NEMF: variants seen among roughly 807,000 people sequenced by gnomAD.
The protein encoded by NEMF is nuclear export mediator factor, also known as ribosome quality control complex subunit NEMF.
A neutral mutation model predicts 162.2 loss-of-function variants in NEMF; 89 were observed. That is an observed-to-expected ratio of 0.55 (90% CI 0.46 to 0.65). NEMF has a LOEUF of 0.65. Among genes scored for constraint, NEMF ranks in the 30% least tolerant of loss-of-function variants. The pLI is 0.00. For synonymous variants in NEMF, 421 were observed against 404.5 expected (o/e 1.04, Z -0.49); for missense variants, 1,133 against 1,261.9 (o/e 0.90, Z 1.55).
intron 4 of NEMF, among the ~76,000 whole-genome samples, chr14:49,845,491 T>G (rs920542559): frequency 6.6e-6 from 1 of 152,242 alleles, no homozygotes; most frequent in African/African-American, 2.4e-5. Flanking sequence ...CCTGGAACTT[T>G]TTTACTTTAT....
At chr14:49,831,897 C>T (rs938989414) in intron 10 of NEMF, among the ~76,000 whole-genome samples, 154 bp downstream of exon 10, 1 of 152,164 alleles carries the variant, frequency 6.6e-6, no homozygotes, top group East Asian at 1.9e-4. Flanking sequence ...CAATTATTTC[C>T]AACAGCTGTA....
At chr14:49,831,587 C>A (rs1456239945) in intron 10 of NEMF, among the ~76,000 whole-genome samples, 2 of 152,090 alleles carry the variant, frequency 1.3e-5, no homozygotes, top group African/African-American at 4.8e-5. Context: ...ACAGGTGCAC[C>A]CCACCACACA....
At chr14:49,797,090 C>T (rs925305035) in intron 25 of NEMF, among the ~76,000 whole-genome samples, 3 of 152,226 alleles carry the variant, frequency 2.0e-5, no homozygotes, top group African/African-American at 4.8e-5. Flanking sequence ...TTCTTGAAGG[C>T]ATGAGCTTTA....
chr14:49,838,528 T>A (rs1893018862), intron 5 of NEMF, among the ~76,000 whole-genome samples: 1 of 152,082 alleles, frequency 6.6e-6, no homozygotes, highest in Non-Finnish European at 1.5e-5. Flanking sequence ...TCATGCCATA[T>A]CTTAATATCC....
chr14:49,844,309 G>T (rs573907540), intron 4 of NEMF, among the ~76,000 whole-genome samples: 1 of 152,076 alleles, frequency 6.6e-6, no homozygotes, highest in South Asian at 2.1e-4. Flanking sequence ...TCACAATAGG[G>T]TTCACGCTCC....
intron 25 of NEMF, 128 bp from the exon 26 acceptor site, chr14:49,796,072 C>T: frequency 1.5e-6 from 1 of 665,930 alleles, no homozygotes; most frequent in Non-Finnish European, 2.6e-6. Flanking sequence ...ACTTGATAAT[C>T]ACCAAGTTAG....
chr14:49,823,779 AC>A (rs1318740035), intron 16 of NEMF, among the ~76,000 whole-genome samples: 1 of 152,168 alleles, frequency 6.6e-6, no homozygotes, highest in African/African-American at 2.4e-5. Context: ...ATCACCACCA[AC>A]CCCAATTGTA....
At chr14:49,830,836 G>A (rs1392520110) in intron 11 of NEMF, among the ~76,000 whole-genome samples, 2 of 152,198 alleles carry the variant, frequency 1.3e-5, no homozygotes, top group Non-Finnish European at 2.9e-5. Context: ...GGAAAATACT[G>A]TATATCACTT....
chr14:49,791,342 A>G (rs1890438818), intron 26 of NEMF, among the ~76,000 whole-genome samples: 1 of 152,002 alleles, frequency 6.6e-6, no homozygotes, highest in Non-Finnish European at 1.5e-5. Flanking sequence ...CATCTCAGAA[A>G]AAAAGAAACT....
chr14:49,836,918 T>A (rs578220488), intron 6 of NEMF, among the ~76,000 whole-genome samples: 1 of 152,194 alleles, frequency 6.6e-6, no homozygotes, highest in Admixed American at 6.5e-5. Flanking sequence ...TAATTCTGTA[T>A]AGCTGTCACA....
intron 4 of NEMF, among the ~76,000 whole-genome samples, chr14:49,842,954 C>G (rs997882350): frequency 6.7e-6 from 1 of 150,222 alleles, no homozygotes; most frequent in African/African-American, 2.5e-5. Context: ...TGCAGTGAGC[C>G]AAGATCACAC....
In NEMF at chr14:49,817,419, G is replaced by C. The variant is rs138008295; in HGVS notation, c.1578-2562C>G. 8.0e-3 allele frequency among the ~76,000 whole-genome samples: 1,219 copies of C among 152,248 alleles called. 15 individuals carry two copies. Among genetic ancestry groups the C allele is most frequent in the African/African-American group, 0.028 (1,152 of 41,536 alleles). On this transcript the variant is annotated intron_variant, in intron 16 of 32. Coordinates refer to ENST00000298310, the MANE Select transcript of NEMF (RefSeq NM_004713.6). ...TGCACCACTGCACTTCAGCCTGGGT[G>C]ACAGAGCAAGACTATGTCTCAAAAA...
chr14:49,805,418 T>C (rs965932650), intron 19 of NEMF, among the ~76,000 whole-genome samples: 7 of 151,902 alleles, frequency 4.6e-5, no homozygotes, highest in Admixed American at 2.0e-4. Context: ...ATCTCAGCAT[T>C]TTGGGAGGCT....
chr14:49,846,063 C>T (rs1893484738), intron 4 of NEMF, 77 bp downstream of exon 4: 1 of 1,239,464 alleles, frequency 8.1e-7, no homozygotes. Flanking sequence ...AATGTTCCCC[C>T]ACTCATGTTA....
intron 6 of NEMF, among the ~76,000 whole-genome samples, chr14:49,836,638 C>G (rs1478030496): frequency 6.6e-6 from 1 of 151,796 alleles, no homozygotes; most frequent in Admixed American, 6.6e-5. Context: ...AGAGCGAGAC[C>G]CTTGGGAAAT....
chr14:49,852,221 G>T, intron 1 of NEMF, among the ~76,000 whole-genome samples: 1 of 152,154 alleles, frequency 6.6e-6, no homozygotes, highest in East Asian at 1.9e-4. Context: ...AAAGCTCACA[G>T]GGCTGAATAA....
At chr14:49,817,641 T>C (rs1405804664) in intron 16 of NEMF, among the ~76,000 whole-genome samples, 2 of 152,076 alleles carry the variant, frequency 1.3e-5, no homozygotes, top group Non-Finnish European at 2.9e-5. Context: ...GTCTCATATA[T>C]AAAAAGCAAA....
chr14:49,838,225 A>T lies in NEMF; in HGVS notation c.507-19T>A. On this transcript the variant is annotated intron_variant, in intron 5 of 32. Transcript: ENST00000298310. ...AGTCAACCTGTGAAACAAAACGGACATGCCTCTATCATATCTTAAATAAAC... is the reference window on the plus strand; with the variant it reads ...AGTCAACCTGTGAAACAAAACGGACTTGCCTCTATCATATCTTAAATAAAC... 6.2e-7 allele frequency: 1 copy of T among 1,610,766 alleles called. No individual in the cohort carries two copies. The highest frequency in any genetic ancestry group is 8.5e-7 in the Non-Finnish European group (1 of 1,177,046).
intron 29 of NEMF, 57 bp downstream of exon 29, chr14:49,786,661 C>T: frequency 6.0e-6 from 9 of 1,491,650 alleles, no homozygotes; most frequent in Non-Finnish European, 8.4e-6. Flanking sequence ...TTCAAACATT[C>T]TGGGAACTGA....
Sources: gnomAD v4.1 joint callset for allele counts (sites outside exome capture counted in the v4.1 genomes callset) on GRCh38, gnomAD v4.1.1 for gene constraint, MANE v1.5 for transcripts, NCBI Gene and HGNC (gene_info 2026-07-23, HGNC 2026-07-21) for gene names.